The following CTDSPL variants were observed in gnomAD, a reference collection of about 807,000 sequenced individuals.
The protein encoded by CTDSPL is CTD small phosphatase like, also known as CTD small phosphatase-like protein.
In CTDSPL, 8 loss-of-function variants were observed where a neutral mutation model predicts 30.5. The observed-to-expected ratio is 0.26, with a 90% confidence interval of 0.15 to 0.47. The LOEUF (loss-of-function observed/expected upper bound fraction) is 0.47. Ranked by LOEUF, CTDSPL falls within the 20% of genes least tolerant of loss-of-function variation. The pLI is 0.99. For missense variants in CTDSPL, 248 were observed against 366.1 expected, an observed-to-expected ratio of 0.68 and a Z score of 2.63; for synonymous variants, 110 against 137.9, an observed-to-expected ratio of 0.80 and a Z score of 1.42.
intron 1 of CTDSPL, among the ~76,000 whole-genome samples, chr3:37,867,268 C>G (rs1429765877): frequency 2.0e-5 from 3 of 152,120 alleles, no homozygotes; most frequent in Non-Finnish European, 4.4e-5. Flanking sequence ...GGAGATTCAT[C>G]CAGGTTGTTC....
At chr3:37,967,919 A>AT (rs775680004) in intron 5 of CTDSPL, 37 bp downstream of exon 5, 10 of 1,364,044 alleles carry the variant, frequency 7.3e-6, no homozygotes, top group African/African-American at 5.9e-5. Context: ...TTCAATTAAG[A>AT]TTTTTTAGTA....
chr3:37,978,977 G>A (rs1699459241), intron 7 of CTDSPL, among the ~76,000 whole-genome samples: 1 of 152,028 alleles, frequency 6.6e-6, no homozygotes, highest in Non-Finnish European at 1.5e-5. Context: ...TGCTTGTTTT[G>A]TTTTTGTATC....
At chr3:37,916,623 A>T (rs1033552345) in intron 1 of CTDSPL, among the ~76,000 whole-genome samples, 3 of 152,130 alleles carry the variant, frequency 2.0e-5, no homozygotes, top group Non-Finnish European at 4.4e-5. Flanking sequence ...GCTGGCAAAC[A>T]CCAGAGACCG....
intron 1 of CTDSPL, among the ~76,000 whole-genome samples, chr3:37,889,875 G>A (rs994602531): frequency 7.9e-5 from 12 of 152,282 alleles, no homozygotes; most frequent in Middle Eastern, 3.4e-3. Context: ...GTTATTTTCC[G>A]TTTAGAATTT....
chr3:37,885,917 C>CAAACAGCAAAAACAAGT (rs1698257758), intron 1 of CTDSPL, among the ~76,000 whole-genome samples: 1 of 152,134 alleles, frequency 6.6e-6, no homozygotes, highest in Non-Finnish European at 1.5e-5. Context: ...TACAGCCAAG[C>CAAACAGCAAAAACAAGT]AAACAGCAAA....
intron 1 of CTDSPL, among the ~76,000 whole-genome samples, chr3:37,926,164 G>A (rs1698779215): frequency 6.6e-6 from 1 of 152,182 alleles, no homozygotes. Context: ...AAGTCACAGA[G>A]GAGATGGCAG....
chr3:37,974,862 G>C (rs565308063), intron 6 of CTDSPL, among the ~76,000 whole-genome samples: 12 of 152,328 alleles, frequency 7.9e-5, no homozygotes, highest in African/African-American at 2.9e-4. Flanking sequence ...ACACATTGGA[G>C]CCAGCTCATT....
chr3:37,888,710 G>T lies in CTDSPL; in HGVS notation c.79+26432G>T, dbSNP rs143740280. Among the ~76,000 whole-genome samples the T allele has an allele frequency of 2.6e-5, 4 of 152,344 alleles. No homozygotes were observed. The East Asian group carries it at 7.7e-4, about 29-fold the overall frequency. On this transcript the variant is annotated intron_variant, in intron 1 of 7. Coordinates refer to ENST00000273179, the MANE Select transcript of CTDSPL (RefSeq NM_001008392.2). ...CAGACTTTTAGAGACCAGAAAGCCA[G>T]TTTGTTTGGGGGACCATCTTTAGGC...
At chr3:37,882,088 AC>A (rs1698212014) in intron 1 of CTDSPL, among the ~76,000 whole-genome samples, 1 of 152,198 alleles carries the variant, frequency 6.6e-6, no homozygotes, top group African/African-American at 2.4e-5. Context: ...CAGGTGGATC[AC>A]CTGAGGTCAG....
At chr3:37,953,457 T>C (rs753228625) in intron 2 of CTDSPL, among the ~76,000 whole-genome samples, 14 of 152,236 alleles carry the variant, frequency 9.2e-5, no homozygotes, top group Non-Finnish European at 1.2e-4. Flanking sequence ...AATGGAAATG[T>C]AATCCACATA....
chr3:37,915,458 C>T (rs1698634893), intron 1 of CTDSPL, among the ~76,000 whole-genome samples: 1 of 152,024 alleles, frequency 6.6e-6, no homozygotes, highest in African/African-American at 2.4e-5. Flanking sequence ...TTATCTTTTA[C>T]CCTCTCATCT....
intron 2 of CTDSPL, chr3:37,955,109 C>T (rs188509557): frequency 6.6e-6 from 1 of 152,258 alleles, no homozygotes; most frequent in Non-Finnish European, 1.5e-5. Context: ...TAGAGCAGAG[C>T]TGAAGACTGA....
intron 5 of CTDSPL, chr3:37,968,220 C>T (rs1448004448): frequency 2.2e-6 from 1 of 461,472 alleles, no homozygotes; most frequent in Admixed American, 2.5e-5. Context: ...TCCTAGCAGG[C>T]AACAGGAAAA....
At chr3:37,875,886 A>G (rs1025392097) in intron 1 of CTDSPL, among the ~76,000 whole-genome samples, 6 of 152,004 alleles carry the variant, frequency 3.9e-5, no homozygotes, top group African/African-American at 1.4e-4. Context: ...TAGTTTTTAT[A>G]CTCTGTAGTA....
At chr3:37,953,229 G>A (rs1033226151) in intron 2 of CTDSPL, among the ~76,000 whole-genome samples, 1 of 152,162 alleles carries the variant, frequency 6.6e-6, no homozygotes, top group African/African-American at 2.4e-5. Context: ...CATGTGACTA[G>A]TAGCTACCAT....
At chr3:37,873,408 G>A (rs1698099646) in intron 1 of CTDSPL, among the ~76,000 whole-genome samples, 3 of 152,156 alleles carry the variant, frequency 2.0e-5, no homozygotes. Flanking sequence ...CCCATAGCCA[G>A]CTTCTTTACC....
chr3:37,949,571 G>A (rs1699085065), intron 2 of CTDSPL, among the ~76,000 whole-genome samples: 1 of 152,210 alleles, frequency 6.6e-6, no homozygotes, highest in Non-Finnish European at 1.5e-5. Flanking sequence ...GCATTTATAA[G>A]ACTAGAAGGA....
At chr3:37,893,532 A>G (rs938788521) in intron 1 of CTDSPL, among the ~76,000 whole-genome samples, 5 of 152,100 alleles carry the variant, frequency 3.3e-5, no homozygotes, top group Non-Finnish European at 7.4e-5. Context: ...TAATTCTCCA[A>G]CTCGAATGTG....
Position 37,971,478 on chromosome 3 carries a change from C to T in CTDSPL, c.498C>T (p.Leu166=), listed in dbSNP as rs761833867. The stretch of plus-strand genomic sequence containing the variant: ...TGGGGCAGCTTTTTGAATGTGTGCT[C>T]TTTACTGCCAGCTTGGCCAAGGTGA... The part of the protein sequence containing the change: ...QRMGQLFECV[L]FTASLAKYAD... Residue 166 remains leucine, a synonymous_variant, in exon 6 of 8, where the codon CTC becomes CTT. Transcript: ENST00000273179. 1.7e-5 allele frequency: 27 copies of T among 1,614,026 alleles called. No homozygotes were observed. The South Asian group carries it at 2.4e-4, about 14-fold the overall frequency.
Sources: allele counts gnomAD v4.1 joint callset (sites outside exome capture counted in the v4.1 genomes callset), GRCh38; gene constraint gnomAD v4.1.1; transcripts MANE v1.5; gene names NCBI Gene and HGNC (gene_info 2026-07-23, HGNC 2026-07-21).